MRC2: variants seen among roughly 807,000 people sequenced by gnomAD.
The protein encoded by MRC2 is mannose receptor C-type 2, also known as C-type mannose receptor 2.
Under a neutral mutation model 206.2 loss-of-function variants are expected in MRC2, and 84 were observed. The observed-to-expected ratio is 0.41, with a 90% CI of 0.34 to 0.49. The LOEUF (loss-of-function observed/expected upper bound fraction) is 0.49. Among genes scored for constraint, MRC2 ranks in the 20% least tolerant of loss-of-function variants. The probability of loss-of-function intolerance (pLI) is 0.31; values close to 1 mark genes in which losing one functional copy is unlikely to be tolerated. For synonymous variants in MRC2, 798 were observed against 800.0 expected, an observed-to-expected ratio of 1.00 and a Z score of 0.04; for missense variants, 1,676 against 2,001.5, an observed-to-expected ratio of 0.84 and a Z score of 3.10.
chr17:62,677,236 T>C, intron 11 of MRC2, 33 bp from the exon 12 acceptor site: 1 of 1,524,566 alleles, frequency 6.6e-7, no homozygotes, highest in East Asian at 2.4e-5. Flanking sequence ...TGAATCCTTC[T>C]CAGAGCCTGG....
chr17:62,633,840 CAAAAAAAAAAAAAAAAAAAAAAA>C (rs571793821), intron 1 of MRC2, among the ~76,000 whole-genome samples: 8 of 33,892 alleles, frequency 2.4e-4, no homozygotes, highest in Admixed American at 1.9e-3. Flanking sequence ...GACCCTGTCT[CAAAAAAAAAAAAAAAAAAAAAAA>C]AAAAAAAAAA....
At chr17:62,655,014 G>A (rs1421168051) in intron 1 of MRC2, among the ~76,000 whole-genome samples, 1 of 152,190 alleles carries the variant, frequency 6.6e-6, no homozygotes, top group Non-Finnish European at 1.5e-5. Flanking sequence ...GGCTGCGTGC[G>A]GTGGCTCACA....
intron 1 of MRC2, among the ~76,000 whole-genome samples, chr17:62,644,631 C>T (rs993668760): frequency 6.6e-6 from 1 of 152,134 alleles, no homozygotes; most frequent in African/African-American, 2.4e-5. Context: ...CACGTGACCC[C>T]AGCAGCATTT....
chr17:62,681,350 G>A (rs1481460373), intron 18 of MRC2: 5 of 601,758 alleles, frequency 8.3e-6, no homozygotes, highest in South Asian at 6.0e-5. Context: ...TAACATATGC[G>A]AAGTGCTTAC....
Position 62,682,033 on chromosome 17 carries a change from TTTGTTCCCAC to T in MRC2, c.2803+97_2803+106del. The T allele has an allele frequency of 4.1e-6, 5 of 1,218,110 alleles. No homozygotes were observed. In the South Asian group the frequency reaches 5.8e-5, roughly 14 times the overall value. The allele number at this position is 1,218,110 out of a possible 1,614,324, so 75.5% of individuals were successfully genotyped here. A position where few individuals can be genotyped will look rare whatever the true frequency, so the allele number is the denominator to read the frequency against. ...AAGTCATCAGTCTGTTCTCATTCTC[TTTGTTCCCAC>T]AACCCAATAAAGGCTAGACTCAGCG... On this transcript the variant is annotated intron_variant, in intron 19 of 29. Transcript: ENST00000303375.
chr17:62,669,235 G>T (rs1048352160), intron 6 of MRC2, among the ~76,000 whole-genome samples: 2 of 152,070 alleles, frequency 1.3e-5, no homozygotes, highest in Non-Finnish European at 1.5e-5. Context: ...GTTTGTTTGA[G>T]ACAGGGTCTC....
rs2088561882 is a variant in MRC2 at position 62,652,030 on chromosome 17, A to G, written c.119-12518A>G. 6.6e-6 allele frequency among the ~76,000 whole-genome samples: 1 copy of G among 152,214 alleles called. No homozygotes were observed. ...TTCACTATGGAAAATTGTAAATTAC[A>G]GAAAGGCCCAAAGATTTTCTTCATT... On this transcript the variant is annotated intron_variant, in intron 1 of 29. Coordinates refer to ENST00000303375, the MANE Select transcript of MRC2 (RefSeq NM_006039.5). This position sits in a 1 kb window ranked among gnomAD's most constrained non-coding sequence, Gnocchi z 4.6.
chr17:62,679,760 T>C, intron 13 of MRC2, 40 bp from the exon 14 acceptor site: 1 of 1,598,132 alleles, frequency 6.3e-7, no homozygotes, highest in Non-Finnish European at 8.6e-7. Context: ...CCCCTCTCAC[T>C]TCCCATCTCT....
intron 1 of MRC2, among the ~76,000 whole-genome samples, chr17:62,657,064 A>C (rs2088627171): frequency 6.6e-6 from 1 of 152,154 alleles, no homozygotes; most frequent in East Asian, 1.9e-4. Flanking sequence ...GGGGATAGAC[A>C]CTGTCATCAG....
intron 13 of MRC2, among the ~76,000 whole-genome samples, chr17:62,679,130 T>G (rs906581087): frequency 6.6e-6 from 1 of 152,214 alleles, no homozygotes; most frequent in African/African-American, 2.4e-5. Context: ...TGTCCTGGGC[T>G]CTGAGCATTA....
intron 1 of MRC2, among the ~76,000 whole-genome samples, chr17:62,655,721 TAAAA>T (rs71155946): frequency 1.6e-5 from 2 of 126,166 alleles, no homozygotes; most frequent in Admixed American, 8.2e-5. Context: ...TCTGTCTCTT[TAAAA>T]AAAAAAAAAA....
In MRC2 at chr17:62,688,952, A is replaced by C. The variant is rs763363595; in HGVS notation, c.3326A>C (p.Lys1109Thr). 6.2e-7 allele frequency: 1 copy of C among 1,613,416 alleles called. No individual in the cohort carries two copies. Among genetic ancestry groups the C allele is most frequent in the Non-Finnish European group, 8.5e-7 (1 of 1,179,818 alleles). The change falls in exon 23 of 30, where the codon AAG becomes ACG. Residue 1109 changes from lysine (K) to threonine (T), a missense_variant. Around this residue, in one of 3 missense-constraint regions of MRC2, gnomAD observed 1,354 missense variants for 1,636.6 expected, o/e 0.83. Transcript: ENST00000303375. ...TEETHGFICQ[K>T]GTDPSLSPSP... is the part of the protein sequence containing the mutation. ...GAGACCCATGGCTTCATCTGCCAGA[A>C]GGGCACGGGTATGTGTCACCAGTCA...
chr17:62,682,090 G>C, intron 19 of MRC2, 145 bp from the exon 20 acceptor site: 1 of 1,116,768 alleles, frequency 9.0e-7, no homozygotes, highest in African/African-American at 1.6e-5. Context: ...TGTCTCCATG[G>C]TCCAGAAGAC....
In MRC2 at chr17:62,680,889, T is replaced by C; in HGVS notation, c.2563T>C (p.Trp855Arg). ...GGCGCAGGCGCAGCGCATCTGCACG[T>C]GGTTCCAGGCCGAGCTGACCTCGGT... The part of the protein sequence containing the change: ...TWAQAQRICT[W>R]FQAELTSVHS... The change falls in exon 17 of 30, where the codon TGG becomes CGG. Residue 855 changes from tryptophan (W) to arginine (R), a missense_variant. Physicochemically the swap from Trp to Arg is moderately radical, Grantham distance 101. Around this residue, in one of 3 missense-constraint regions of MRC2, gnomAD observed 1,354 missense variants for 1,636.6 expected, o/e 0.83. Transcript: ENST00000303375. The surrounding 1 kb of genome is among the most constrained non-coding windows in gnomAD (Gnocchi z 4.8). 6.2e-7 allele frequency: 1 copy of C among 1,613,178 alleles called. No individual in the cohort carries two copies. The highest frequency in any genetic ancestry group is 8.5e-7 in the Non-Finnish European group (1 of 1,179,930).
intron 1 of MRC2, among the ~76,000 whole-genome samples, chr17:62,656,527 T>C (rs901239066): frequency 6.6e-6 from 1 of 152,218 alleles, no homozygotes. Context: ...CAGTGCTTCA[T>C]AAATGATTAT....
chr17:62,631,049 G>A (rs375688484), intron 1 of MRC2, among the ~76,000 whole-genome samples: 4 of 152,102 alleles, frequency 2.6e-5, no homozygotes, highest in African/African-American at 9.7e-5. Context: ...GAAGAACCCC[G>A]GGTTTTGGCC....
chr17:62,677,380 G>A lies in MRC2; in HGVS notation c.1946G>A (p.Gly649Asp). 1 of 1,610,594 alleles carries A rather than the reference G, an allele frequency of 6.2e-7. No homozygotes were observed. The highest frequency in any genetic ancestry group is 8.5e-7 in the Non-Finnish European group (1 of 1,179,070). Reference sequence around the variant, plus strand: ...CGCTACATCTGCCGGCAGAGCCTGGGCACTCCAGTGACGCCGGAGCTGCCG... The same window carrying A: ...CGCTACATCTGCCGGCAGAGCCTGGACACTCCAGTGACGCCGGAGCTGCCG... ...RARYICRQSL[G>D]TPVTPELPGP... is the part of the protein sequence containing the mutation. Residue 649 changes from glycine (G) to aspartate (D), a missense_variant, in exon 12 of 30, where the codon GGC (glycine) becomes GAC (aspartate). Around this residue, in one of 3 missense-constraint regions of MRC2, gnomAD observed 1,354 missense variants for 1,636.6 expected, o/e 0.83. Transcript: ENST00000303375.
intron 1 of MRC2, among the ~76,000 whole-genome samples, chr17:62,638,723 G>A (rs1164021719): frequency 7.3e-6 from 1 of 136,646 alleles, no homozygotes; most frequent in Non-Finnish European, 1.5e-5. Flanking sequence ...GGGTGACAGA[G>A]TGAAACCCTG....
chr17:62,688,246 G>T, intron 20 of MRC2, 43 bp from the exon 21 acceptor site: 1 of 1,568,928 alleles, frequency 6.4e-7, no homozygotes. Flanking sequence ...TTTGTGGATG[G>T]GGTGGTGGGG....
Sources: gnomAD v4.1 joint callset for allele counts (sites outside exome capture counted in the v4.1 genomes callset) on GRCh38, gnomAD v4.1.1 for gene constraint, gnomAD v4.1.1 regional missense constraint, Gnocchi (gnomAD v3.1) non-coding constraint, MANE v1.5 for transcripts, NCBI Gene and HGNC (gene_info 2026-07-23, HGNC 2026-07-21) for gene names.